Variants in NLK observed in about 807,000 individuals in gnomAD.
NLK encodes serine/threonine-protein kinase NLK.
In NLK, 11 loss-of-function variants were observed where a neutral mutation model predicts 59.0. The observed-to-expected ratio is 0.19, with a 90% CI of 0.12 to 0.31. NLK has a LOEUF of 0.31. Ranked by LOEUF, NLK falls within the 10% of genes least tolerant of loss-of-function variation. NLK has a pLI of 1.00. For missense variants in NLK, 410 were observed against 661.1 expected (o/e 0.62, Z 4.16); for synonymous variants, 235 against 235.9 (o/e 1.00, Z 0.03).
intron 1 of NLK, among the ~76,000 whole-genome samples, chr17:28,088,848 T>C (rs1005286182): frequency 6.6e-6 from 1 of 152,184 alleles, no homozygotes; most frequent in Admixed American, 6.5e-5. Flanking sequence ...CTAGGCTTTT[T>C]TTAGTGGGCA....
chr17:28,179,872 G>GTTT (rs34411493), intron 7 of NLK, among the ~76,000 whole-genome samples: 41 of 79,420 alleles, frequency 5.2e-4, no homozygotes, highest in African/African-American at 1.4e-3. Flanking sequence ...AGCATTCTTG[G>GTTT]TTTTTTTTTT....
intron 1 of NLK, among the ~76,000 whole-genome samples, chr17:28,051,948 C>T (rs1909270729): frequency 1.3e-5 from 2 of 152,114 alleles, no homozygotes; most frequent in Admixed American, 6.5e-5. Context: ...AGATAAATGT[C>T]ACCCTGTTCC....
intron 1 of NLK, among the ~76,000 whole-genome samples, chr17:28,070,203 T>C (rs917421331): frequency 6.6e-6 from 1 of 151,666 alleles, no homozygotes; most frequent in Non-Finnish European, 1.5e-5. Flanking sequence ...ACCACCGCGC[T>C]CCAGCCTGGG....
At chr17:28,098,226 T>C (rs746645669) in intron 1 of NLK, among the ~76,000 whole-genome samples, 11 of 152,226 alleles carry the variant, frequency 7.2e-5, no homozygotes, top group Non-Finnish European at 8.8e-5. Flanking sequence ...GAATCAGCTC[T>C]CTTGAAATGA....
chr17:28,095,356 T>A (rs1904663518), intron 1 of NLK, among the ~76,000 whole-genome samples: 1 of 152,278 alleles, frequency 6.6e-6, no homozygotes, highest in African/African-American at 2.4e-5. Flanking sequence ...CATGGCCATG[T>A]TATCAGATTC....
chr17:28,186,860 A>G (rs1005119410), intron 8 of NLK, among the ~76,000 whole-genome samples: 13 of 152,192 alleles, frequency 8.5e-5, no homozygotes, highest in African/African-American at 3.1e-4. Flanking sequence ...TGATACTATA[A>G]GCCTGACAAA....
chr17:28,159,393 G>A, intron 3 of NLK, among the ~76,000 whole-genome samples: 1 of 152,132 alleles, frequency 6.6e-6, no homozygotes, highest in East Asian at 1.9e-4. Flanking sequence ...GTGTGACAAA[G>A]CAAATATAGC....
rs187244254 is a variant in NLK, at chr17:28,139,132, A to G, written c.644+6457A>G. On this transcript the variant is annotated intron_variant, in intron 3 of 10. Coordinates refer to ENST00000407008, the MANE Select transcript of NLK (RefSeq NM_016231.5). ...TTAGCCGGGTTTGGTGGCACGTGCC[A>G]GTAATCCCAGCTACTCAAGAGGCTG... Among the ~76,000 whole-genome samples, 386 of 152,194 alleles carry G rather than the reference A, an allele frequency of 2.5e-3. 5 individuals carry two copies. The highest frequency in any genetic ancestry group is 8.6e-3 in the African/African-American group (358 of 41,530).
intron 1 of NLK, among the ~76,000 whole-genome samples, chr17:28,113,813 A>G (rs1312189227): frequency 2.6e-5 from 4 of 152,102 alleles, no homozygotes; most frequent in Non-Finnish European, 4.4e-5. Context: ...GCTCTAATTC[A>G]AACGCCTCTG....
intron 3 of NLK, among the ~76,000 whole-genome samples, chr17:28,158,396 A>G (rs1191124970): frequency 6.6e-6 from 1 of 152,230 alleles, no homozygotes; most frequent in Non-Finnish European, 1.5e-5. Context: ...TGGGTGTGTC[A>G]GTGAGTGGTG....
chr17:28,122,457 C>T, intron 1 of NLK, 146 bp from the exon 2 acceptor site: 1 of 755,974 alleles, frequency 1.3e-6, no homozygotes, highest in Non-Finnish European at 2.1e-6. Flanking sequence ...TTATCTTTCT[C>T]ACTGACACCT....
chr17:28,170,909 G>A, intron 6 of NLK, among the ~76,000 whole-genome samples: 1 of 152,178 alleles, frequency 6.6e-6, no homozygotes, highest in East Asian at 1.9e-4. Flanking sequence ...TTGTTGGTGT[G>A]TGTTGGGGTG....
intron 1 of NLK, chr17:28,047,771 T>G: frequency 2.6e-6 from 1 of 386,356 alleles, no homozygotes; most frequent in Non-Finnish European, 4.6e-6. Context: ...TTCTTATGTT[T>G]TGTCTGGTCC....
rs190136243 is a variant in NLK, at chr17:28,194,691, G to C, written c.*55G>C. On this transcript the variant is annotated 3_prime_UTR_variant, in exon 11 of 11. Coordinates refer to ENST00000407008, the MANE Select transcript of NLK (RefSeq NM_016231.5). ...TAATGTAGCTTTCCACTGGAGTCTG[G>C]GATTTGCAATTCTGGAGGTTAATCA... The C allele has an allele frequency of 7.5e-7, 1 of 1,330,068 alleles. No homozygotes were observed. Among genetic ancestry groups the C allele is most frequent in the Admixed American group, 1.9e-5 (1 of 53,626 alleles). 82.4% of individuals were successfully genotyped at this position (1,330,068 alleles called of 1,614,324 possible).
chr17:28,083,761 A>G (rs1910423465), intron 1 of NLK, among the ~76,000 whole-genome samples: 1 of 152,200 alleles, frequency 6.6e-6, no homozygotes, highest in South Asian at 2.1e-4. Flanking sequence ...TGGCCATTCA[A>G]TAGATGCTGC....
chr17:28,104,234 G>A (rs1252576190), intron 1 of NLK, among the ~76,000 whole-genome samples: 3 of 151,952 alleles, frequency 2.0e-5, no homozygotes, highest in Non-Finnish European at 4.4e-5. Flanking sequence ...CCTGGTCAGT[G>A]GAAGATAGGG....
intron 1 of NLK, among the ~76,000 whole-genome samples, chr17:28,081,115 C>T (rs1033797107): frequency 6.6e-6 from 1 of 151,486 alleles, no homozygotes; most frequent in South Asian, 2.1e-4. Flanking sequence ...GTCTTGAACT[C>T]CTGGGCTCAA....
chr17:28,119,066 A>G (rs1039356128), intron 1 of NLK, among the ~76,000 whole-genome samples: 13 of 152,192 alleles, frequency 8.5e-5, no homozygotes, highest in African/African-American at 3.1e-4. Flanking sequence ...CTACAGCTGG[A>G]GCTTCATTAG....
At chr17:28,052,556 A>C (rs541230185) in intron 1 of NLK, among the ~76,000 whole-genome samples, 2 of 152,300 alleles carry the variant, frequency 1.3e-5, no homozygotes, top group African/African-American at 4.8e-5. Context: ...ATTTTTGCAG[A>C]CACCCTCAGC....
Sources: allele counts gnomAD v4.1 joint callset (sites outside exome capture counted in the v4.1 genomes callset), GRCh38; gene constraint gnomAD v4.1.1; transcripts MANE v1.5; gene names NCBI Gene and HGNC (gene_info 2026-07-23, HGNC 2026-07-21).